The following LRRC37A2 variants were observed in gnomAD, a reference collection of about 807,000 sequenced individuals.
LRRC37A2 encodes the protein leucine rich repeat containing 37 member A2.
LRRC37A2 carries 9 observed loss-of-function variants against 68.8 expected under a neutral mutation model. The ratio of observed to expected loss-of-function variants is 0.13; its 90% confidence interval spans 0.08 to 0.23. The LOEUF is 0.23. Ranked by LOEUF, LRRC37A2 falls within the 10% of genes least tolerant of loss-of-function variation. The pLI is 1.00. For missense variants in LRRC37A2, 168 were observed against 950.4 expected, an observed-to-expected ratio of 0.18 and a Z score of 10.82; for synonymous variants, 63 against 367.6, an observed-to-expected ratio of 0.17 and a Z score of 9.48.
chr17:46,930,613 CTG>C, the LRRC37A2 span: 1 of 157,812 alleles, frequency 6.3e-6, no homozygotes, highest in East Asian at 1.9e-4. Context: ...GAACTCTTCT[CTG>C]TATGTTTCAC....
At chr17:47,044,683 A>G in the LRRC37A2 span, among the ~76,000 whole-genome samples, 47 of 151,950 alleles carry the variant, frequency 3.1e-4, 1 homozygote, top group Admixed American at 2.5e-3. Context: ...GGCTTAAAGG[A>G]AAAAAAGAAA....
the LRRC37A2 span, chr17:46,885,271 G>T: frequency 3.4e-5 from 10 of 290,508 alleles, no homozygotes; most frequent in Non-Finnish European, 6.7e-5. Flanking sequence ...CTCCCAAAGT[G>T]CTGGGATTAC....
chr17:46,931,853 G>T, the LRRC37A2 span: 1 of 599,864 alleles, frequency 1.7e-6, no homozygotes, highest in Non-Finnish European at 3.0e-6. Flanking sequence ...CAAGCTGCTG[G>T]AATCTTGTGT....
chr17:46,981,323 G>A, the LRRC37A2 span, among the ~76,000 whole-genome samples: 60 of 152,294 alleles, frequency 3.9e-4, no homozygotes, highest in Middle Eastern at 3.4e-3. Context: ...GAGGTGGGGT[G>A]AGATGCTGCC....
At chr17:47,048,520 T>A in the LRRC37A2 span, among the ~76,000 whole-genome samples, 1 of 113,398 alleles carries the variant, frequency 8.8e-6, no homozygotes, top group Non-Finnish European at 1.9e-5. Context: ...TCTGGCAAAT[T>A]TGAAAAACTC....
chr17:46,834,153 C>T, the LRRC37A2 span, among the ~76,000 whole-genome samples: 1 of 152,062 alleles, frequency 6.6e-6, no homozygotes, highest in African/African-American at 2.4e-5. Flanking sequence ...TAGGATGGCA[C>T]CACTACACTC....
chr17:46,535,052 G>A (rs2054454402), intron 6 of LRRC37A2, among the ~76,000 whole-genome samples: 1 of 149,088 alleles, frequency 6.7e-6, no homozygotes, highest in South Asian at 2.1e-4. Flanking sequence ...AGACGGGCAT[G>A]CCCAGTTATT....
chr17:46,923,873 A>G, the LRRC37A2 span: 1 of 398,354 alleles, frequency 2.5e-6, no homozygotes. Context: ...GTAGTTGAGT[A>G]TTAATGGGGC....
chr17:46,987,467 G>T, the LRRC37A2 span, among the ~76,000 whole-genome samples: 106,438 of 151,982 alleles, frequency 0.7, 37,890 homozygotes, highest in Middle Eastern at 0.78. Context: ...TGACAATAGA[G>T]TTTACAATAA....
chr17:46,385,361 A>G, the LRRC37A2 span, among the ~76,000 whole-genome samples: 2 of 33,746 alleles, frequency 5.9e-5, no homozygotes, highest in East Asian at 1.2e-3. Context: ...GGTATTGAAT[A>G]CTCTAAATAA....
At chr17:46,956,308 G>GAGAC in the LRRC37A2 span, among the ~76,000 whole-genome samples, 1 of 34,544 alleles carries the variant, frequency 2.9e-5, no homozygotes, top group Non-Finnish European at 5.2e-5. Context: ...TTTTTTTTTT[G>GAGAC]AGACAGAGTT....
chr17:46,822,398 C>T, the LRRC37A2 span, among the ~76,000 whole-genome samples: 1 of 152,232 alleles, frequency 6.6e-6, no homozygotes, highest in Non-Finnish European at 1.5e-5. Flanking sequence ...AGCCCCTGAC[C>T]TGCACCGAGT....
chr17:46,779,103 A>ACACACACACACACACCC, the LRRC37A2 span, among the ~76,000 whole-genome samples: 5 of 133,588 alleles, frequency 3.7e-5, no homozygotes, highest in Admixed American at 1.6e-4. Flanking sequence ...ACACACACAC[A>ACACACACACACACACCC]CCCCAGCCCA....
the LRRC37A2 span, among the ~76,000 whole-genome samples, chr17:46,389,642 TC>T: frequency 2.4e-5 from 1 of 41,658 alleles, no homozygotes; most frequent in Non-Finnish European, 4.9e-5. Context: ...AAATTCATTT[TC>T]TCGGTTGCAA....
At chr17:46,773,834 G>A in the LRRC37A2 span, 4 of 1,613,330 alleles carry the variant, frequency 2.5e-6, no homozygotes, top group East Asian at 4.5e-5. Context: ...GTTGCTTGGG[G>A]ACCAGGCCTG....
chr17:47,008,741 G>A, the LRRC37A2 span, among the ~76,000 whole-genome samples: 4 of 152,022 alleles, frequency 2.6e-5, no homozygotes, highest in Admixed American at 1.3e-4. Flanking sequence ...GCCTCCCAAA[G>A]TGCTGGGATT....
chr17:46,721,642 A>G, the LRRC37A2 span: 3 of 1,595,126 alleles, frequency 1.9e-6, no homozygotes, highest in Non-Finnish European at 2.6e-6. Context: ...TCTTATAGAC[A>G]CCAGAAAAAG....
At chr17:46,717,974 A>G in the LRRC37A2 span, among the ~76,000 whole-genome samples, 2 of 152,212 alleles carry the variant, frequency 1.3e-5, no homozygotes, top group Non-Finnish European at 2.9e-5. Flanking sequence ...ATCCATTGCC[A>G]GATCTACTTG....
chr17:46,723,841 G>A, the LRRC37A2 span, among the ~76,000 whole-genome samples: 1 of 152,130 alleles, frequency 6.6e-6, no homozygotes, highest in Non-Finnish European at 1.5e-5. Context: ...CCCCTCTAAT[G>A]CTTTTCTATA....
Sources: allele counts gnomAD v4.1 joint callset (sites outside exome capture counted in the v4.1 genomes callset), GRCh38; gene constraint gnomAD v4.1.1; transcripts MANE v1.5; gene names NCBI Gene and HGNC (gene_info 2026-07-23, HGNC 2026-07-21).